Variants in LDLRAD4 observed in about 807,000 individuals in gnomAD.
LDLRAD4 encodes low-density lipoprotein receptor class A domain-containing protein 4.
LDLRAD4 carries 5 observed loss-of-function variants against 17.0 expected under a neutral mutation model. The observed-to-expected ratio is 0.29, with a 90% CI of 0.15 to 0.62. The LOEUF is 0.62. Among genes scored for constraint, LDLRAD4 ranks in the 20% least tolerant of loss-of-function variants. The probability of loss-of-function intolerance (pLI) is 0.84; values close to 1 mark genes in which losing one functional copy is unlikely to be tolerated. For synonymous variants in LDLRAD4, 168 were observed against 171.8 expected, an observed-to-expected ratio of 0.98 and a Z score of 0.17; for missense variants, 340 against 424.7, an observed-to-expected ratio of 0.80 and a Z score of 1.75.
intron 3 of LDLRAD4, among the ~76,000 whole-genome samples, chr18:13,569,499 AT>A (rs566893077): frequency 1.1e-3 from 170 of 152,338 alleles, no homozygotes; most frequent in East Asian, 5.8e-3. Context: ...AAGGAAAAAA[AT>A]ATTCTCAAAA....
chr18:13,444,708 T>C (rs1183951401), intron 3 of LDLRAD4, among the ~76,000 whole-genome samples: 1 of 152,254 alleles, frequency 6.6e-6, no homozygotes, highest in Non-Finnish European at 1.5e-5. Context: ...CATGAGGCTC[T>C]GTGGTAGACT....
intron 1 of LDLRAD4, among the ~76,000 whole-genome samples, chr18:13,270,683 A>G (rs1205195298): frequency 6.6e-6 from 1 of 152,186 alleles, no homozygotes. Flanking sequence ...TGGACCCTGC[A>G]TGGTTGTGCT....
At chr18:13,435,523 T>C (rs749681713) in intron 2 of LDLRAD4, among the ~76,000 whole-genome samples, 12 of 152,230 alleles carry the variant, frequency 7.9e-5, no homozygotes, top group African/African-American at 1.2e-4. Context: ...CATAGCTCAC[T>C]GCAGCCTGGA....
rs550253674 is a variant in LDLRAD4 at position 13,462,989 on chromosome 18, G to A, written c.181+24605G>A. Among the ~76,000 whole-genome samples the A allele has an allele frequency of 7.9e-5, 12 of 152,314 alleles. No individual in the cohort carries two copies. The South Asian group carries it at 2.1e-3, about 26-fold the overall frequency. ...CTAGGGCAAGCTGAAGGCAGATCCC[G>A]ACTGCCAGGGGCAGCAGCCAGGGAT... On this transcript the variant is annotated intron_variant, in intron 3 of 5. Coordinates refer to ENST00000359446, the Ensembl canonical transcript of LDLRAD4.
At chr18:13,332,025 A>G (rs2081889156) in intron 1 of LDLRAD4, among the ~76,000 whole-genome samples, 1 of 152,170 alleles carries the variant, frequency 6.6e-6, no homozygotes, top group Non-Finnish European at 1.5e-5. Context: ...TGTAAGTGGT[A>G]GTTGACTTCT....
chr18:13,596,517 AT>A (rs1483670442), intron 3 of LDLRAD4, among the ~76,000 whole-genome samples: 2 of 152,268 alleles, frequency 1.3e-5, no homozygotes, highest in African/African-American at 4.8e-5. Context: ...TCTACTTAAG[AT>A]TTCCACTAAA....
At chr18:13,271,639 G>A (rs765993003) in intron 1 of LDLRAD4, among the ~76,000 whole-genome samples, 8 of 152,190 alleles carry the variant, frequency 5.3e-5, no homozygotes, top group Non-Finnish European at 1.0e-4. Flanking sequence ...TGCCGATAGC[G>A]TTCCCTGAGG....
intron 4 of LDLRAD4, among the ~76,000 whole-genome samples, chr18:13,629,142 ATTTG>A (rs768960911): frequency 2.0e-5 from 3 of 152,004 alleles, no homozygotes; most frequent in Non-Finnish European, 4.4e-5. Context: ...GGTTGTTTTT[ATTTG>A]TTTGTTTGTT....
At chr18:13,522,139 T>C (rs2093962335) in intron 3 of LDLRAD4, 1 of 152,206 alleles carries the variant, frequency 6.6e-6, no homozygotes, top group Non-Finnish European at 1.5e-5. Context: ...TTTAAGGTGA[T>C]AAATGCTGTG....
chr18:13,443,549 CAT>C (rs2091173491), intron 3 of LDLRAD4, among the ~76,000 whole-genome samples: 1 of 152,178 alleles, frequency 6.6e-6, no homozygotes. Context: ...GTGTTATAAA[CAT>C]GTGTTTCGGT....
chr18:13,284,802 G>A (rs544716528), intron 1 of LDLRAD4, among the ~76,000 whole-genome samples: 11 of 152,304 alleles, frequency 7.2e-5, no homozygotes, highest in South Asian at 6.2e-4. Context: ...AGCTGTGCTC[G>A]AGTGTGAAAC....
intron 2 of LDLRAD4, among the ~76,000 whole-genome samples, chr18:13,410,997 T>A (rs560789635): frequency 6.6e-6 from 1 of 152,298 alleles, no homozygotes; most frequent in East Asian, 1.9e-4. Context: ...ACGCCTATAA[T>A]CCCAGCACTT....
Position 13,622,567 on chromosome 18 carries a change from C to G in LDLRAD4, c.336+1296C>G, listed in dbSNP as rs2040750988. Among the ~76,000 whole-genome samples the G allele has an allele frequency of 6.6e-6, 1 of 152,192 alleles. No homozygotes were observed. Among genetic ancestry groups the G allele is most frequent in the Non-Finnish European group, 1.5e-5 (1 of 68,034 alleles). On this transcript the variant is annotated intron_variant, in intron 4 of 5. Coordinates refer to ENST00000359446, the Ensembl canonical transcript of LDLRAD4. The surrounding 1 kb of genome is among the most constrained non-coding windows in gnomAD (Gnocchi z 5.3). The stretch of plus-strand genomic sequence containing the variant: ...GCCCTGTTGTGTTACTTTCCTCGAG[C>G]CTCCACAGCATCCTGGGGTCCTTTG...
chr18:13,217,729 C>G (rs1312642569), upstream of LDLRAD4: 1 of 151,272 alleles, frequency 6.6e-6, no homozygotes, highest in African/African-American at 2.4e-5. This position sits in a 1 kb window ranked among gnomAD's most constrained non-coding sequence, Gnocchi z 4.9. Flanking sequence ...CGCGTCCCCT[C>G]TCTCCCCGCG....
At chr18:13,252,464 G>A (rs77350679) in intron 1 of LDLRAD4, among the ~76,000 whole-genome samples, 2,132 of 152,320 alleles carry the variant, frequency 0.014, 57 homozygotes, top group African/African-American at 0.048. Flanking sequence ...TTGGCCAGGT[G>A]TACCGCTAGG....
At chr18:13,318,898 C>T (rs1174128609) in intron 1 of LDLRAD4, among the ~76,000 whole-genome samples, 1 of 152,200 alleles carries the variant, frequency 6.6e-6, no homozygotes, top group Non-Finnish European at 1.5e-5. Context: ...CTCTCCACCA[C>T]GGACCGCAGT....
chr18:13,229,804 G>A (rs111827589), intron 1 of LDLRAD4, among the ~76,000 whole-genome samples: 34 of 152,188 alleles, frequency 2.2e-4, no homozygotes, highest in African/African-American at 7.5e-4. Flanking sequence ...TGGCTTTGTC[G>A]CCAAACTGGT....
chr18:13,589,286 A>G (rs1465358622), intron 3 of LDLRAD4, among the ~76,000 whole-genome samples: 1 of 151,914 alleles, frequency 6.6e-6, no homozygotes, highest in Non-Finnish European at 1.5e-5. Context: ...GTGATGGGAG[A>G]AGGCAGGTGA....
At chr18:13,404,791 C>A (rs1448434804) in intron 2 of LDLRAD4, among the ~76,000 whole-genome samples, 1 of 150,530 alleles carries the variant, frequency 6.6e-6, no homozygotes, top group African/African-American at 2.5e-5. Context: ...GAGCGAAACT[C>A]CGTCTCAAAA....
Sources: allele counts gnomAD v4.1 joint callset (sites outside exome capture counted in the v4.1 genomes callset), GRCh38; gene constraint gnomAD v4.1.1; non-coding constraint Gnocchi (gnomAD v3.1); transcripts MANE v1.5; gene names NCBI Gene and HGNC (gene_info 2026-07-23, HGNC 2026-07-21).